The following PCLO variants were observed in gnomAD, a reference collection of about 807,000 sequenced individuals.
The protein encoded by PCLO is piccolo presynaptic cytomatrix protein, also known as protein piccolo.
A neutral mutation model predicts 427.5 loss-of-function variants in PCLO; 82 were observed. That is an observed-to-expected ratio of 0.19 (90% confidence interval 0.16 to 0.23). The LOEUF (loss-of-function observed/expected upper bound fraction) is 0.23. PCLO is among the 10% of genes least tolerant of loss of function. The pLI, the probability that PCLO is intolerant of heterozygous loss-of-function variation, is 1.00. For synonymous variants in PCLO, 2,357 were observed against 2,155.4 expected (o/e 1.09, Z -2.59); for missense variants, 6,239 against 6,115.9 (o/e 1.02, Z -0.67).
chr7:82,955,751 T>C lies in PCLO; in HGVS notation c.5202A>G (p.Val1734=), dbSNP rs1054709464. The change falls in exon 5 of 25, where the codon GTA becomes GTG. Residue 1734 remains valine, a synonymous_variant. Coordinates refer to ENST00000333891, the MANE Select transcript of PCLO (RefSeq NM_033026.6). ...SFTPGTSPTS[V]SSLDEDSDSS... ...TGTCACTGTCCTCATCAAGTGATGA[T>C]ACTGATGTAGGGGATGTACCAGGAG... The C allele has an allele frequency of 1.9e-6, 3 of 1,613,830 alleles. No individual in the cohort carries two copies. Among genetic ancestry groups the C allele is most frequent in the African/African-American group, 1.3e-5 (1 of 74,918 alleles).
intron 9 of PCLO, among the ~76,000 whole-genome samples, chr7:82,883,201 A>G (rs1452536757): frequency 6.6e-6 from 1 of 152,114 alleles, no homozygotes; most frequent in African/African-American, 2.4e-5. Context: ...GGGCTAAAGA[A>G]GAAAACAGAT....
At chr7:83,029,645 T>TAAAG (rs1422949642) in intron 3 of PCLO, among the ~76,000 whole-genome samples, 1 of 126,352 alleles carries the variant, frequency 7.9e-6, no homozygotes, top group Non-Finnish European at 1.6e-5. Context: ...CATGCTGCTA[T>TAAAG]AAAGACACAT....
intron 3 of PCLO, among the ~76,000 whole-genome samples, chr7:82,992,772 T>C (rs1157763716): frequency 6.6e-6 from 1 of 151,986 alleles, no homozygotes; most frequent in Non-Finnish European, 1.5e-5. Context: ...AAAAAAATGA[T>C]GCCTTACTTT....
At chr7:82,823,955 C>A (rs1791863018) in intron 19 of PCLO, among the ~76,000 whole-genome samples, 2 of 152,022 alleles carry the variant, frequency 1.3e-5, no homozygotes, top group Admixed American at 6.6e-5. Context: ...ATCATGTTAT[C>A]ATGGATTTTG....
intron 8 of PCLO, among the ~76,000 whole-genome samples, chr7:82,903,518 T>C (rs969351953): frequency 6.6e-6 from 1 of 151,966 alleles, no homozygotes; most frequent in Non-Finnish European, 1.5e-5. Flanking sequence ...TGTTTCCACC[T>C]GGTGAAACAT....
chr7:82,785,368 C>T (rs199711995), intron 22 of PCLO, among the ~76,000 whole-genome samples: 7 of 152,172 alleles, frequency 4.6e-5, no homozygotes, highest in Non-Finnish European at 1.0e-4. Flanking sequence ...GCTCGCTTGG[C>T]TGCCACTCAC....
chr7:83,034,953 TC>T (rs1201752685), intron 3 of PCLO, among the ~76,000 whole-genome samples: 1 of 152,218 alleles, frequency 6.6e-6, no homozygotes, highest in Non-Finnish European at 1.5e-5. Flanking sequence ...AGGATAACGC[TC>T]CAACTGGTCT....
At chr7:82,863,327 A>G (rs1793011416) in intron 10 of PCLO, among the ~76,000 whole-genome samples, 1 of 152,016 alleles carries the variant, frequency 6.6e-6, no homozygotes, top group African/African-American at 2.4e-5. Context: ...CAACAAAAAT[A>G]TCAGTAACAA....
chr7:82,866,771 C>A (rs1233661482), intron 10 of PCLO, among the ~76,000 whole-genome samples: 2 of 151,898 alleles, frequency 1.3e-5, no homozygotes, highest in African/African-American at 2.4e-5. Flanking sequence ...CACTTCGGCA[C>A]TTATCATTGT....
At chr7:82,844,278 A>C (rs2115799173) in intron 13 of PCLO, among the ~76,000 whole-genome samples, 1 of 152,282 alleles carries the variant, frequency 6.6e-6, no homozygotes, top group South Asian at 2.1e-4. Flanking sequence ...TGCTTGTGGT[A>C]AAATGTAGTT....
At chr7:82,971,576 AATAT>A (rs1795906225) in intron 3 of PCLO, among the ~76,000 whole-genome samples, 1 of 142,934 alleles carries the variant, frequency 7.0e-6, no homozygotes, top group Admixed American at 7.9e-5. Context: ...CATGTTATAT[AATAT>A]ATAATATATA....
At chr7:82,949,383 A>C in intron 6 of PCLO, 93 bp downstream of exon 6, 1 of 899,092 alleles carries the variant, frequency 1.1e-6, no homozygotes, top group Non-Finnish European at 1.7e-6. Context: ...TTAGGTTTCT[A>C]AGGTACCAGG....
chr7:82,827,030 A>G (rs1305431485), intron 17 of PCLO, among the ~76,000 whole-genome samples: 2 of 152,092 alleles, frequency 1.3e-5, no homozygotes, highest in African/African-American at 4.8e-5. Flanking sequence ...GTATTGGATT[A>G]AATGTTTCAG....
chr7:82,991,055 T>C (rs571890569), intron 3 of PCLO, among the ~76,000 whole-genome samples: 12 of 152,160 alleles, frequency 7.9e-5, no homozygotes, highest in Non-Finnish European at 1.5e-4. Flanking sequence ...TCAATAAACG[T>C]TGATGAACAA....
intron 3 of PCLO, among the ~76,000 whole-genome samples, chr7:83,119,863 A>G (rs1293301823): frequency 2.0e-5 from 3 of 151,740 alleles, no homozygotes; most frequent in Admixed American, 2.0e-4. Flanking sequence ...TAAAAAATCA[A>G]ACAGAAATTG....
chr7:83,013,719 T>A (rs1788141552), intron 3 of PCLO, among the ~76,000 whole-genome samples: 1 of 152,214 alleles, frequency 6.6e-6, no homozygotes. Context: ...TATGGAAATG[T>A]AACTTCTGAG....
At position 83,035,071 on chromosome 7, in the gene PCLO, G is replaced by A. The variant is rs574149407; in HGVS notation, c.3301-68584C>T. Among the ~76,000 whole-genome samples, 7 of 152,178 alleles carry A rather than the reference G, an allele frequency of 4.6e-5. No individual in the cohort carries two copies. In the East Asian group the frequency reaches 1.4e-3, roughly 29 times the overall value. On this transcript the variant is annotated intron_variant, in intron 3 of 24. Transcript: ENST00000333891. The stretch of plus-strand genomic sequence containing the variant: ...GATATAATATCCATTTGAGTGCTCT[G>A]GCAGCAAGTCTTTAATTCTTAAAGT...
chr7:82,920,863 T>C (rs1027147596), intron 6 of PCLO, among the ~76,000 whole-genome samples: 1 of 151,796 alleles, frequency 6.6e-6, no homozygotes, highest in African/African-American at 2.4e-5. Context: ...TGTAGTTTTT[T>C]CAAATATTGA....
intron 3 of PCLO, among the ~76,000 whole-genome samples, chr7:83,075,861 T>C (rs1789938128): frequency 6.6e-6 from 1 of 152,166 alleles, no homozygotes; most frequent in Admixed American, 6.5e-5. Context: ...TTTTCTTTGA[T>C]ATATCTTTTA....
Sources: allele counts gnomAD v4.1 joint callset (sites outside exome capture counted in the v4.1 genomes callset), GRCh38; gene constraint gnomAD v4.1.1; transcripts MANE v1.5; gene names NCBI Gene and HGNC (gene_info 2026-07-23, HGNC 2026-07-21).